Variants in CYYR1 observed in about 807,000 individuals in gnomAD.
CYYR1 encodes cysteine and tyrosine rich 1, also known as cysteine and tyrosine-rich protein 1.
Under a neutral mutation model 15.2 loss-of-function variants are expected in CYYR1, and 14 were observed. The ratio of observed to expected loss-of-function variants is 0.92; its 90% CI spans 0.61 to 1.44. The LOEUF (loss-of-function observed/expected upper bound fraction) is 1.44, where lower values mean the gene tolerates loss of function less well. CYYR1 is among the 40% of genes most tolerant of loss of function. CYYR1 has a pLI of 0.00. For missense variants in CYYR1, 228 were observed against 209.5 expected (o/e 1.09, Z -0.54); for synonymous variants, 80 against 77.4 (o/e 1.03, Z -0.18).
At chr21:26,477,835 T>A in intron 3 of CYYR1, 1 of 1,202,686 alleles carries the variant, frequency 8.3e-7, no homozygotes, top group Non-Finnish European at 1.0e-6. Context: ...TAAATAATAA[T>A]AAAAATAATT....
chr21:26,472,939 G>A (rs995138043), intron 3 of CYYR1, among the ~76,000 whole-genome samples: 1 of 151,876 alleles, frequency 6.6e-6, no homozygotes, highest in Non-Finnish European at 1.5e-5. Context: ...TATTTTATTT[G>A]GTATATTTTT....
chr21:26,564,740 G>A, intron 2 of CYYR1: 1 of 1,218,418 alleles, frequency 8.2e-7, no homozygotes. Flanking sequence ...AGCTAAGCTA[G>A]GAGCCAGATG....
chr21:26,504,471 C>T (rs539439585), intron 2 of CYYR1, among the ~76,000 whole-genome samples: 22 of 151,890 alleles, frequency 1.4e-4, no homozygotes, highest in Admixed American at 1.1e-3. Context: ...GGGGTTTAAC[C>T]ATATTGGCTA....
intron 2 of CYYR1, among the ~76,000 whole-genome samples, chr21:26,507,042 T>G (rs894548130): frequency 2.0e-5 from 3 of 152,182 alleles, no homozygotes; most frequent in Non-Finnish European, 4.4e-5. Context: ...AAAGAGTAGC[T>G]GTGAAAGCCC....
chr21:26,512,356 G>A (rs1308882749), intron 2 of CYYR1, among the ~76,000 whole-genome samples: 1 of 151,960 alleles, frequency 6.6e-6, no homozygotes, highest in East Asian at 1.9e-4. Context: ...ATGCCACCAT[G>A]CCTGGCTAAT....
chr21:26,557,527 A>T (rs1397437533), intron 2 of CYYR1, among the ~76,000 whole-genome samples: 2 of 152,180 alleles, frequency 1.3e-5, no homozygotes, highest in African/African-American at 4.8e-5. Flanking sequence ...ATTCAGGTTG[A>T]TTAGTGAAGG....
At chr21:26,569,062 C>T (rs1244940070) in intron 1 of CYYR1, 2 of 152,156 alleles carry the variant, frequency 1.3e-5, no homozygotes, top group Admixed American at 1.3e-4. Flanking sequence ...TACCATTTGC[C>T]TCAGTGATCC....
At chr21:26,543,648 G>A (rs1978733808) in intron 2 of CYYR1, among the ~76,000 whole-genome samples, 1 of 152,230 alleles carries the variant, frequency 6.6e-6, no homozygotes, top group Admixed American at 6.5e-5. Context: ...GCTCACGCCT[G>A]TAATCCCAGC....
intron 2 of CYYR1, among the ~76,000 whole-genome samples, chr21:26,546,665 AAG>A (rs1978997320): frequency 6.6e-6 from 1 of 152,198 alleles, no homozygotes; most frequent in Non-Finnish European, 1.5e-5. Flanking sequence ...ATAGTCTTGA[AAG>A]AGATCATTTA....
intron 2 of CYYR1, among the ~76,000 whole-genome samples, chr21:26,505,985 A>T (rs1389343573): frequency 1.3e-5 from 2 of 152,142 alleles, no homozygotes; most frequent in Non-Finnish European, 1.5e-5. Flanking sequence ...ATATATACAT[A>T]TTAAATATGC....
In CYYR1 at chr21:26,573,156, C is replaced by G. The variant is rs1028602261; in HGVS notation, c.-216G>C. 5 of 1,486,790 alleles carry G rather than the reference C, an allele frequency of 3.4e-6. No individual in the cohort carries two copies. The African/African-American group carries it at 7.1e-5, about 21-fold the overall frequency. The allele number at this position is 1,486,790 out of a possible 1,614,324, so 92.1% of individuals were successfully genotyped here. The stretch of plus-strand genomic sequence containing the variant: ...CCGCGGAGCTGGGGCGCCCGTGGCC[C>G]GAGACGGGCTGCGCTGGGGGCCCAG... On this transcript the variant is annotated 5_prime_UTR_variant, in exon 1 of 4. Coordinates refer to ENST00000652641, the MANE Select transcript of CYYR1 (RefSeq NM_001320768.2).
intron 3 of CYYR1, among the ~76,000 whole-genome samples, chr21:26,479,779 T>G (rs2065150030): frequency 6.6e-6 from 1 of 152,180 alleles, no homozygotes; most frequent in Admixed American, 6.5e-5. Flanking sequence ...ACCAAAATGT[T>G]GGGATTACAG....
intron 2 of CYYR1, among the ~76,000 whole-genome samples, chr21:26,543,984 G>C (rs1978770086): frequency 2.0e-5 from 3 of 152,198 alleles, no homozygotes; most frequent in Admixed American, 6.5e-5. Context: ...GGATTGTAGT[G>C]CTTACCCTGG....
chr21:26,557,543 T>C (rs547499168), intron 2 of CYYR1, among the ~76,000 whole-genome samples: 1 of 152,240 alleles, frequency 6.6e-6, no homozygotes, highest in East Asian at 1.9e-4. Context: ...GAAGGACAGA[T>C]CAGTTTTGAT....
At chr21:26,549,214 T>C (rs545518379) in intron 2 of CYYR1, among the ~76,000 whole-genome samples, 3 of 152,324 alleles carry the variant, frequency 2.0e-5, no homozygotes, top group African/African-American at 7.2e-5. Flanking sequence ...CATGTGCTAC[T>C]TTTTTCATGT....
At chr21:26,485,138 A>G (rs1601737362) in intron 2 of CYYR1, among the ~76,000 whole-genome samples, 1 of 151,812 alleles carries the variant, frequency 6.6e-6, no homozygotes, top group African/African-American at 2.4e-5. Flanking sequence ...CAGGGAATGT[A>G]TTTTTTTTAA....
intron 2 of CYYR1, among the ~76,000 whole-genome samples, chr21:26,519,951 T>G (rs185135468): frequency 3.3e-5 from 5 of 151,924 alleles, no homozygotes; most frequent in African/African-American, 1.2e-4. Context: ...TGCAGCACTA[T>G]TCACAATAGC....
At chr21:26,505,168 GC>G (rs1361889707) in intron 2 of CYYR1, among the ~76,000 whole-genome samples, 1 of 152,104 alleles carries the variant, frequency 6.6e-6, no homozygotes, top group African/African-American at 2.4e-5. Flanking sequence ...AGAAAACATG[GC>G]CCCTCTTTGC....
At chr21:26,537,900 A>G (rs1978320855) in intron 2 of CYYR1, among the ~76,000 whole-genome samples, 2 of 152,152 alleles carry the variant, frequency 1.3e-5, no homozygotes, top group African/African-American at 4.8e-5. Flanking sequence ...CATCTATAAG[A>G]AAAAGGAATC....
Sources: gnomAD v4.1 joint callset for allele counts (sites outside exome capture counted in the v4.1 genomes callset) on GRCh38, gnomAD v4.1.1 for gene constraint, MANE v1.5 for transcripts, NCBI Gene and HGNC (gene_info 2026-07-23, HGNC 2026-07-21) for gene names.